Variants in SLC30A8 observed in about 807,000 individuals in gnomAD.
The protein encoded by SLC30A8 is solute carrier family 30 member 8.
In SLC30A8, 27 loss-of-function variants were observed where a neutral mutation model predicts 36.9. The ratio of observed to expected loss-of-function variants is 0.73; its 90% CI spans 0.54 to 1.01. SLC30A8 has a LOEUF of 1.01. Among genes scored for constraint, SLC30A8 ranks in the 50% least tolerant of loss-of-function variants. SLC30A8 has a pLI of 0.00. For synonymous variants in SLC30A8, 164 were observed against 172.4 expected (o/e 0.95, Z 0.38); for missense variants, 439 against 452.0 (o/e 0.97, Z 0.26).
chr8:117,118,176 CAAAAA>C (rs57091173), intron 2 of SLC30A8, among the ~76,000 whole-genome samples: 2 of 87,568 alleles, frequency 2.3e-5, no homozygotes, highest in Non-Finnish European at 5.1e-5. Context: ...CTCTCTGTCT[CAAAAA>C]AAAAAAAAAA....
At chr8:117,124,048 G>C (rs1820797773) in intron 2 of SLC30A8, among the ~76,000 whole-genome samples, 1 of 151,958 alleles carries the variant, frequency 6.6e-6, no homozygotes, top group South Asian at 2.1e-4. Context: ...TGTCCCAGGA[G>C]AGGCAAAGCT....
chr8:117,048,218 T>C (rs1385435426), intron 2 of SLC30A8, among the ~76,000 whole-genome samples: 1 of 152,178 alleles, frequency 6.6e-6, no homozygotes, highest in East Asian at 1.9e-4. Flanking sequence ...CAATTTGACT[T>C]TAGTAGCATT....
intron 2 of SLC30A8, among the ~76,000 whole-genome samples, chr8:117,095,433 A>G (rs1225255186): frequency 6.6e-6 from 1 of 151,808 alleles, no homozygotes; most frequent in Non-Finnish European, 1.5e-5. Context: ...TAACACTAGG[A>G]ACTAAAACTT....
chr8:117,117,510 G>A (rs535613166), intron 2 of SLC30A8, among the ~76,000 whole-genome samples: 11 of 151,940 alleles, frequency 7.2e-5, no homozygotes, highest in African/African-American at 2.4e-4. Flanking sequence ...AAAAATTTTA[G>A]TCTTGTTAAG....
rs777132738 is a variant in SLC30A8 at position 117,171,098 on chromosome 8, G to C, written c.894G>C (p.Leu298=). 31 of 1,612,966 alleles carry C rather than the reference G, an allele frequency of 1.9e-5. No individual in the cohort carries two copies. The Admixed American group carries it at 4.8e-4, about 25-fold the overall frequency. The change falls in exon 7 of 8, where the codon CTG becomes CTC. Residue 298 remains leucine (L), a synonymous_variant. Transcript: ENST00000456015. ...TTATTTTAGCAGTCGACGGGGTGCT[G>C]TCTGTGCACAGCCTGCACATCTGGT... ...KELILAVDGV[L]SVHSLHIWSL...
chr8:117,058,324 C>G (rs1429793790), intron 2 of SLC30A8, among the ~76,000 whole-genome samples: 2 of 152,128 alleles, frequency 1.3e-5, no homozygotes, highest in Admixed American at 1.3e-4. Flanking sequence ...TTCTCCCATT[C>G]TGTGGATTGC....
intron 2 of SLC30A8, among the ~76,000 whole-genome samples, chr8:117,069,656 G>A (rs187168113): frequency 1.3e-5 from 2 of 152,214 alleles, no homozygotes; most frequent in Non-Finnish European, 2.9e-5. Flanking sequence ...TCATCTCTTG[G>A]CAAATCTACC....
At chr8:117,153,143 C>A in intron 3 of SLC30A8, 53 bp downstream of exon 3, 1 of 1,474,944 alleles carries the variant, frequency 6.8e-7, no homozygotes, top group Non-Finnish European at 9.1e-7. Flanking sequence ...AAAGTCAAAC[C>A]AAGGGTAAAA....
chr8:117,038,188 C>G (rs1817275239), intron 1 of SLC30A8, among the ~76,000 whole-genome samples: 2 of 152,166 alleles, frequency 1.3e-5, no homozygotes, highest in South Asian at 4.1e-4. Context: ...GCAAATGATA[C>G]AAGAAAGTTT....
intron 1 of SLC30A8, among the ~76,000 whole-genome samples, chr8:116,975,518 AT>A (rs1387180842): frequency 1.5e-4 from 23 of 152,302 alleles, no homozygotes; most frequent in Middle Eastern, 6.8e-3. Flanking sequence ...TGGAAGGGTC[AT>A]GAGCATTTTT....
chr8:117,084,212 G>A (rs1818781768), intron 2 of SLC30A8, among the ~76,000 whole-genome samples: 1 of 152,124 alleles, frequency 6.6e-6, no homozygotes, highest in Admixed American at 6.6e-5. Flanking sequence ...AAGCGGAGAA[G>A]AGGAGAAGAA....
At chr8:117,070,042 G>A (rs1321582483) in intron 2 of SLC30A8, among the ~76,000 whole-genome samples, 1 of 152,180 alleles carries the variant, frequency 6.6e-6, no homozygotes, top group Non-Finnish European at 1.5e-5. Flanking sequence ...TTCCTGGAAG[G>A]AATTTTGATG....
chr8:116,985,119 C>A (rs189897903), intron 1 of SLC30A8, among the ~76,000 whole-genome samples: 1 of 151,932 alleles, frequency 6.6e-6, no homozygotes, highest in Non-Finnish European at 1.5e-5. Context: ...TTTTTACTAA[C>A]TAGTTTTATA....
At chr8:117,078,974 C>T (rs1818576476) in intron 2 of SLC30A8, among the ~76,000 whole-genome samples, 1 of 151,928 alleles carries the variant, frequency 6.6e-6, no homozygotes, top group Non-Finnish European at 1.5e-5. Flanking sequence ...AGGTGTGAGC[C>T]AATGTGCCTG....
At chr8:117,159,341 G>A (rs764085318) in intron 4 of SLC30A8, among the ~76,000 whole-genome samples, 22 of 152,260 alleles carry the variant, frequency 1.4e-4, no homozygotes, top group East Asian at 5.8e-4. Context: ...GACAGTGATC[G>A]AAAAATGAAG....
intron 3 of SLC30A8, among the ~76,000 whole-genome samples, chr8:117,156,884 C>G (rs993987341): frequency 6.6e-6 from 1 of 152,158 alleles, no homozygotes; most frequent in African/African-American, 2.4e-5. Flanking sequence ...GAACTAATCT[C>G]TGGGATTAGC....
intron 5 of SLC30A8, among the ~76,000 whole-genome samples, chr8:117,162,554 G>C (rs1286184494): frequency 6.6e-6 from 1 of 152,122 alleles, no homozygotes; most frequent in Non-Finnish European, 1.5e-5. Context: ...ACAGAGATGG[G>C]TTAGCAGGCA....
At chr8:117,047,307 A>T (rs139191881) in intron 2 of SLC30A8, among the ~76,000 whole-genome samples, 1 of 152,358 alleles carries the variant, frequency 6.6e-6, no homozygotes, top group African/African-American at 2.4e-5. Context: ...ACCAAGGCTC[A>T]GCTACTTGAA....
intron 2 of SLC30A8, among the ~76,000 whole-genome samples, chr8:117,148,243 T>A (rs1346682193): frequency 6.6e-6 from 1 of 152,150 alleles, no homozygotes; most frequent in Admixed American, 6.5e-5. Flanking sequence ...GCATTTGGTT[T>A]TAAAATTAAT....
Sources: allele counts gnomAD v4.1 joint callset (sites outside exome capture counted in the v4.1 genomes callset), GRCh38; gene constraint gnomAD v4.1.1; transcripts MANE v1.5; gene names NCBI Gene and HGNC (gene_info 2026-07-23, HGNC 2026-07-21).